SFRP1: variants seen among roughly 807,000 people sequenced by gnomAD.
The protein encoded by SFRP1 is secreted frizzled-related protein 1.
In SFRP1, 9 loss-of-function variants were observed where a neutral mutation model predicts 25.9. The observed-to-expected ratio is 0.35, with a 90% confidence interval of 0.21 to 0.61. SFRP1 has a LOEUF of 0.61. Among genes scored for constraint, SFRP1 ranks in the 20% least tolerant of loss-of-function variants. The pLI is 0.78. For synonymous variants in SFRP1, 178 were observed against 174.0 expected (o/e 1.02, Z -0.18); for missense variants, 346 against 418.2 (o/e 0.83, Z 1.51).
chr8:41,292,875 C>T (rs1388805227), intron 2 of SFRP1, among the ~76,000 whole-genome samples: 1 of 152,202 alleles, frequency 6.6e-6, no homozygotes, highest in Admixed American at 6.5e-5. Context: ...AGAGTAAAGA[C>T]CCTGTAACCA....
intron 2 of SFRP1, among the ~76,000 whole-genome samples, chr8:41,278,783 C>T (rs1803600777): frequency 6.6e-6 from 1 of 152,246 alleles, no homozygotes; most frequent in African/African-American, 2.4e-5. Context: ...TTCATGCCAT[C>T]CCATGTGACA....
At chr8:41,289,999 C>T (rs998564127) in intron 2 of SFRP1, among the ~76,000 whole-genome samples, 2 of 152,372 alleles carry the variant, frequency 1.3e-5, no homozygotes, top group East Asian at 1.9e-4. Context: ...CTGCCCAGCA[C>T]AGCCAGGCTC....
At chr8:41,279,271 G>T (rs943389472) in intron 2 of SFRP1, among the ~76,000 whole-genome samples, 1 of 152,180 alleles carries the variant, frequency 6.6e-6, no homozygotes, top group Non-Finnish European at 1.5e-5. Flanking sequence ...AGACTCACTC[G>T]CCAGACTGGA....
rs188382349 is a variant in SFRP1, at chr8:41,285,669, A to G, written c.622+17792T>C. The stretch of plus-strand genomic sequence containing the variant: ...AGATACAACAGCAGGGCTGTGGCCC[A>G]GCCCCCCAACCCTTCCAACTCAGGA... On this transcript the variant is annotated intron_variant, in intron 2 of 2. Coordinates refer to ENST00000220772, the MANE Select transcript of SFRP1 (RefSeq NM_003012.5). 5.0e-3 allele frequency among the ~76,000 whole-genome samples: 769 copies of G among 152,302 alleles called. 4 individuals are homozygous for G. Among genetic ancestry groups the G allele is most frequent in the African/African-American group, 0.017 (710 of 41,566 alleles).
At chr8:41,288,900 G>C (rs1803742119) in intron 2 of SFRP1, among the ~76,000 whole-genome samples, 1 of 152,188 alleles carries the variant, frequency 6.6e-6, no homozygotes, top group African/African-American at 2.4e-5. Context: ...CAGGAGAGGG[G>C]CTGCAAATGC....
chr8:41,288,645 G>C (rs1258076413), intron 2 of SFRP1, among the ~76,000 whole-genome samples: 2 of 149,388 alleles, frequency 1.3e-5, no homozygotes, highest in Non-Finnish European at 3.0e-5. Flanking sequence ...GGGGATGCAT[G>C]ATGGCCATCA....
At chr8:41,292,993 C>CTGTGAG (rs1171844711) in intron 2 of SFRP1, among the ~76,000 whole-genome samples, 3 of 152,242 alleles carry the variant, frequency 2.0e-5, no homozygotes, top group Non-Finnish European at 4.4e-5. Context: ...GCCCTGCATC[C>CTGTGAG]TGTGAGTGGA....
chr8:41,277,923 T>G (rs1336973942), intron 2 of SFRP1, among the ~76,000 whole-genome samples: 1 of 152,196 alleles, frequency 6.6e-6, no homozygotes, highest in African/African-American at 2.4e-5. Context: ...AAATGTGCAT[T>G]TCTAACAAGT....
Position 41,265,455 on chromosome 8 carries a change from T to C in SFRP1, c.657A>G (p.Glu219=), listed in dbSNP as rs1803423994. ...LRMKIKEVKK[E]NGDKKIVPKK... ...TGGGGACAATCTTCTTGTCGCCATTTTCTTTTTTCACTTCTTTTATTTTCA... is the reference window on the plus strand; with the variant it reads ...TGGGGACAATCTTCTTGTCGCCATTCTCTTTTTTCACTTCTTTTATTTTCA... The change falls in exon 3 of 3, where the codon GAA becomes GAG. Residue 219 remains glutamate (E), a synonymous_variant. Transcript: ENST00000220772. The C allele has an allele frequency of 6.2e-7, 1 of 1,607,378 alleles. No individual in the cohort carries two copies. Among genetic ancestry groups the C allele is most frequent in the Admixed American group, 1.7e-5 (1 of 58,348 alleles).
intron 1 of SFRP1, among the ~76,000 whole-genome samples, chr8:41,304,653 T>A (rs1393900798): frequency 6.6e-6 from 1 of 151,914 alleles, no homozygotes; most frequent in Non-Finnish European, 1.5e-5. Context: ...CGTGGCAGCA[T>A]CTCCCTCCCC....
chr8:41,264,234 C>T lies in SFRP1; in HGVS notation c.*933G>A, dbSNP rs1043481656. 1.3e-5 allele frequency: 2 copies of T among 152,224 alleles called. No homozygotes were observed. The highest frequency in any genetic ancestry group is 2.9e-5 in the Non-Finnish European group (2 of 68,028). The allele number at this position is 152,224 out of a possible 1,614,324, so 9.4% of individuals were successfully genotyped here. ...TTTTAAAAATGTGAAAAGGAAAAAA[C>T]ATGAGATTAGAATCCTAAGCTCTTC... On this transcript the variant is annotated 3_prime_UTR_variant, in exon 3 of 3. Transcript: ENST00000220772.
At chr8:41,279,126 C>T (rs1803604640) in intron 2 of SFRP1, among the ~76,000 whole-genome samples, 1 of 152,106 alleles carries the variant, frequency 6.6e-6, no homozygotes. Flanking sequence ...TCATGTAGGA[C>T]ATGGCCCAAA....
At position 41,308,864 on chromosome 8, in the gene SFRP1, G is replaced by A; in HGVS notation, c.296C>T (p.Pro99Leu). ...GGCGTGGCAGTTCTTGTTGAGCAGG[G>A]GCACCCAGCTGCTGGCCTGCTGCTT... ...EVKQQASSWV[P>L]LLNKNCHAGT... Residue 99 changes from proline (P) to leucine (L), a missense_variant, in exon 1 of 3, where the codon CCC (proline) becomes CTC (leucine). Transcript: ENST00000220772. 6.2e-7 allele frequency: 1 copy of A among 1,610,520 alleles called. No homozygotes were observed. The highest frequency in any genetic ancestry group is 1.1e-5 in the South Asian group (1 of 90,884).
chr8:41,270,545 C>T (rs992318629), intron 2 of SFRP1, among the ~76,000 whole-genome samples: 17 of 152,106 alleles, frequency 1.1e-4, no homozygotes, highest in African/African-American at 3.6e-4. Context: ...GGCCCCCGGA[C>T]ACTCCTGAAC....
At chr8:41,290,221 C>G (rs1300576667) in intron 2 of SFRP1, among the ~76,000 whole-genome samples, 1 of 152,260 alleles carries the variant, frequency 6.6e-6, no homozygotes, top group Admixed American at 6.5e-5. Flanking sequence ...ACACCCATAT[C>G]TCGCAGATAT....
intron 2 of SFRP1, among the ~76,000 whole-genome samples, chr8:41,276,478 T>A (rs929209109): frequency 6.6e-6 from 1 of 152,182 alleles, no homozygotes; most frequent in Non-Finnish European, 1.5e-5. Context: ...CAGACCCCAC[T>A]GTTCCCAGCA....
intron 2 of SFRP1, among the ~76,000 whole-genome samples, chr8:41,302,239 T>C (rs1180925781): frequency 2.0e-5 from 3 of 152,194 alleles, no homozygotes; most frequent in African/African-American, 4.8e-5. Flanking sequence ...GGAAACAGGA[T>C]ACGCGCTCTC....
chr8:41,308,175 T>C (rs1804021733), intron 1 of SFRP1, among the ~76,000 whole-genome samples: 1 of 152,260 alleles, frequency 6.6e-6, no homozygotes. Flanking sequence ...TTTCTGAACT[T>C]TCTACGCTTT....
At chr8:41,303,588 G>C (rs1191963292) in intron 1 of SFRP1, 50 bp from the exon 2 acceptor site, 4 of 1,479,892 alleles carry the variant, frequency 2.7e-6, no homozygotes, top group Non-Finnish European at 3.8e-6. Flanking sequence ...AGAGCAGGAA[G>C]GGAGCAGCCC....
Sources: allele counts gnomAD v4.1 joint callset (sites outside exome capture counted in the v4.1 genomes callset), GRCh38; gene constraint gnomAD v4.1.1; transcripts MANE v1.5; gene names NCBI Gene and HGNC (gene_info 2026-07-23, HGNC 2026-07-21).